Variants in NCAM2 observed in about 807,000 individuals in gnomAD.
NCAM2 encodes the protein neural cell adhesion molecule 2, also known as N-CAM-2.
Under a neutral mutation model 98.1 loss-of-function variants are expected in NCAM2, and 30 were observed. That is an observed-to-expected ratio of 0.31 (90% CI 0.23 to 0.41). The LOEUF (loss-of-function observed/expected upper bound fraction) is 0.41. Ranked by LOEUF, NCAM2 falls within the 10% of genes least tolerant of loss-of-function variation. NCAM2 has a pLI of 1.00. For synonymous variants in NCAM2, 368 were observed against 342.4 expected (o/e 1.07, Z -0.83); for missense variants, 867 against 1,005.8 (o/e 0.86, Z 1.87).
In NCAM2 at chr21:21,540,325, A is replaced by C. The variant is rs1434451066; in HGVS notation, c.*2368A>C. The C allele has an allele frequency of 6.6e-6, 1 of 150,680 alleles. No homozygotes were observed. The highest frequency in any genetic ancestry group is 6.7e-5 in the Admixed American group (1 of 15,010). 9.3% of individuals were successfully genotyped at this position (150,680 alleles called of 1,614,324 possible). On this transcript the variant is annotated 3_prime_UTR_variant, in exon 18 of 18. Coordinates refer to ENST00000400546, the MANE Select transcript of NCAM2 (RefSeq NM_004540.5). ...TATATATGATGTTAAATTTCCTGCC[A>C]CTCATGTGGAGTAATGATCTGAAAT... is the stretch of plus-strand genomic sequence containing the variant.
Position 21,010,389 on chromosome 21 carries a change from G to T in NCAM2, c.55+11771G>T, listed in dbSNP as rs373317513. Among the ~76,000 whole-genome samples the T allele has an allele frequency of 1.2e-4, 18 of 152,128 alleles. No homozygotes were observed. In the South Asian group the frequency reaches 3.5e-3, roughly 30 times the overall value. ...TGGATATGAAATGTTCAACTTTACT[G>T]TGCTCGTGTTATTAAAATAACACTT... On this transcript the variant is annotated intron_variant, in intron 1 of 17. Transcript: ENST00000400546.
intron 17 of NCAM2, among the ~76,000 whole-genome samples, chr21:21,537,076 A>G (rs1033751335): frequency 2.0e-5 from 3 of 151,944 alleles, no homozygotes; most frequent in South Asian, 2.1e-4. Flanking sequence ...TTAGTTTCTG[A>G]ATTTTATTTT....
At chr21:21,236,068 T>TCTCTCTCTCTTG (rs2070808164) in intron 1 of NCAM2, among the ~76,000 whole-genome samples, 1 of 152,128 alleles carries the variant, frequency 6.6e-6, no homozygotes, top group East Asian at 1.9e-4. Context: ...ATAAATACCC[T>TCTCTCTCTCTTG]GAATAATGTT....
At chr21:21,354,519 G>A (rs232459) in intron 8 of NCAM2, among the ~76,000 whole-genome samples, 47,438 of 151,954 alleles carry the variant, frequency 0.31, 8,170 homozygotes, top group East Asian at 0.58. Context: ...AAAATATACA[G>A]TACAATTGTT....
At chr21:21,296,187 A>T (rs1217089694) in intron 5 of NCAM2, among the ~76,000 whole-genome samples, 1 of 151,846 alleles carries the variant, frequency 6.6e-6, no homozygotes, top group Non-Finnish European at 1.5e-5. Context: ...AATCAACTTT[A>T]CTAAAGTCCT....
At chr21:21,373,731 T>C (rs1315154197) in intron 8 of NCAM2, 132 bp from the exon 9 acceptor site, 4 of 783,804 alleles carry the variant, frequency 5.1e-6, no homozygotes, top group Non-Finnish European at 7.5e-6. Context: ...AAGAAATACT[T>C]TCTACATCAG....
intron 14 of NCAM2, among the ~76,000 whole-genome samples, chr21:21,473,376 A>G (rs1366807057): frequency 8.2e-6 from 1 of 121,502 alleles, no homozygotes; most frequent in East Asian, 2.2e-4. Context: ...ATGTATAAAT[A>G]TATATATATA....
chr21:21,095,302 A>G (rs1009837032), intron 1 of NCAM2, among the ~76,000 whole-genome samples: 8 of 151,660 alleles, frequency 5.3e-5, no homozygotes, highest in African/African-American at 1.9e-4. Context: ...AAAAATTTAT[A>G]CACATACATA....
intron 1 of NCAM2, among the ~76,000 whole-genome samples, chr21:21,106,700 G>A (rs2066356926): frequency 6.6e-6 from 1 of 151,310 alleles, no homozygotes; most frequent in African/African-American, 2.4e-5. Flanking sequence ...ATGGGAAAAA[G>A]TAAAACTACA....
chr21:21,356,941 A>G (rs538064388), intron 8 of NCAM2, among the ~76,000 whole-genome samples: 4 of 152,018 alleles, frequency 2.6e-5, no homozygotes, highest in African/African-American at 9.7e-5. Context: ...AGGAGCCAAG[A>G]TCGCGCCATT....
In NCAM2 at chr21:21,034,792, G is replaced by A. The variant is rs552880923; in HGVS notation, c.55+36174G>A. Among the ~76,000 whole-genome samples the A allele has an allele frequency of 2.0e-5, 3 of 151,972 alleles. No individual in the cohort carries two copies. In the South Asian group the frequency reaches 6.3e-4, roughly 32 times the overall value. On this transcript the variant is annotated intron_variant, in intron 1 of 17. Transcript: ENST00000400546. ...TCCCTCATCTACAAAACATATTTAT[G>A]GCAAGTTCAATTTATTTGTGAAACA...
At chr21:21,066,403 T>G (rs1568985861) in intron 1 of NCAM2, among the ~76,000 whole-genome samples, 3 of 151,910 alleles carry the variant, frequency 2.0e-5, no homozygotes, top group Non-Finnish European at 1.5e-5. Flanking sequence ...CTAAATGCAG[T>G]TTTTTATAAC....
intron 15 of NCAM2, among the ~76,000 whole-genome samples, chr21:21,485,323 A>C (rs771775939): frequency 2.0e-5 from 3 of 152,186 alleles, no homozygotes; most frequent in African/African-American, 7.2e-5. Context: ...TTTAGATTAC[A>C]TTTTGAGCTG....
chr21:21,390,574 G>A (rs563777476), intron 9 of NCAM2, among the ~76,000 whole-genome samples: 21 of 152,066 alleles, frequency 1.4e-4, no homozygotes, highest in Non-Finnish European at 1.8e-4. Context: ...TAACATAAAT[G>A]TATATAACTA....
chr21:21,379,387 T>A (rs993214214), intron 9 of NCAM2, among the ~76,000 whole-genome samples: 1 of 152,108 alleles, frequency 6.6e-6, no homozygotes, highest in African/African-American at 2.4e-5. Context: ...TATTTTCTAA[T>A]AGAATCACAT....
intron 15 of NCAM2, among the ~76,000 whole-genome samples, chr21:21,507,806 A>G (rs1255933485): frequency 6.7e-6 from 1 of 148,308 alleles, no homozygotes; most frequent in Non-Finnish European, 1.5e-5. Flanking sequence ...AAAAAAAAAA[A>G]AGACTAAACT....
intron 1 of NCAM2, among the ~76,000 whole-genome samples, chr21:21,061,108 A>T (rs1330228503): frequency 1.3e-5 from 2 of 152,306 alleles, no homozygotes; most frequent in Middle Eastern, 3.4e-3. Flanking sequence ...GTAGCAATTT[A>T]TAGCAGTGAA....
intron 9 of NCAM2, 85 bp downstream of exon 9, chr21:21,374,098 A>T: frequency 7.6e-7 from 1 of 1,322,378 alleles, no homozygotes; most frequent in Non-Finnish European, 1.0e-6. Flanking sequence ...CAAAATATAT[A>T]TGTAGTTCAC....
chr21:21,375,103 T>G (rs1178554720), intron 9 of NCAM2, among the ~76,000 whole-genome samples: 3 of 151,320 alleles, frequency 2.0e-5, no homozygotes, highest in African/African-American at 7.3e-5. Flanking sequence ...GCATGGCACA[T>G]GTATACATAT....
Sources: gnomAD v4.1 joint callset for allele counts (sites outside exome capture counted in the v4.1 genomes callset) on GRCh38, gnomAD v4.1.1 for gene constraint, MANE v1.5 for transcripts, NCBI Gene and HGNC (gene_info 2026-07-23, HGNC 2026-07-21) for gene names.